The following ELOVL6 variants were observed in gnomAD, a reference collection of about 807,000 sequenced individuals.
ELOVL6 encodes the protein ELOVL fatty acid elongase 6.
In ELOVL6, 8 loss-of-function variants were observed where a neutral mutation model predicts 31.7. That is an observed-to-expected ratio of 0.25 (90% CI 0.15 to 0.45). ELOVL6 has a LOEUF of 0.45. Among genes scored for constraint, ELOVL6 ranks in the 20% least tolerant of loss-of-function variants. The pLI, the probability that ELOVL6 is intolerant of heterozygous loss-of-function variation, is 1.00. For synonymous variants in ELOVL6, 101 were observed against 117.7 expected, an observed-to-expected ratio of 0.86 and a Z score of 0.92; for missense variants, 126 against 326.4, an observed-to-expected ratio of 0.39 and a Z score of 4.73.
chr4:110,132,681 C>CA (rs898400770), intron 1 of ELOVL6, among the ~76,000 whole-genome samples: 30 of 150,808 alleles, frequency 2.0e-4, no homozygotes, highest in Admixed American at 6.6e-4. Context: ...TCAAAAAATA[C>CA]AAAAAAAAAT....
chr4:110,173,579 A>C (rs114883078), intron 1 of ELOVL6, among the ~76,000 whole-genome samples: 2,066 of 149,526 alleles, frequency 0.014, 38 homozygotes, highest in African/African-American at 0.047. Flanking sequence ...CAACTGTAAA[A>C]AATTCCTTGA....
At chr4:110,194,009 A>G (rs1333903190) in intron 1 of ELOVL6, among the ~76,000 whole-genome samples, 3 of 152,216 alleles carry the variant, frequency 2.0e-5, no homozygotes, top group African/African-American at 7.2e-5. Flanking sequence ...CATTGGCTAG[A>G]CAATTACAAC....
At chr4:110,060,203 T>C (rs1218518035) in intron 2 of ELOVL6, among the ~76,000 whole-genome samples, 4 of 152,230 alleles carry the variant, frequency 2.6e-5, no homozygotes, top group Non-Finnish European at 5.9e-5. Flanking sequence ...GGCAAACTTT[T>C]CCTCTACCTC....
chr4:110,161,864 C>T (rs542905233), intron 1 of ELOVL6, among the ~76,000 whole-genome samples: 115 of 152,172 alleles, frequency 7.6e-4, no homozygotes, highest in Non-Finnish European at 1.5e-3. Flanking sequence ...GAAACTAACG[C>T]TGTATTTCCC....
intron 2 of ELOVL6, among the ~76,000 whole-genome samples, chr4:110,097,273 T>A (rs1842775): frequency 0.15 from 20,839 of 138,922 alleles, 1,603 homozygotes; most frequent in African/African-American, 0.2. Context: ...CCACTGTACT[T>A]CAGCCTGGGT....
chr4:110,050,262 G>A lies in ELOVL6; in HGVS notation c.*1076C>T, dbSNP rs1358569905. On this transcript the variant is annotated 3_prime_UTR_variant, in exon 4 of 4. Transcript: ENST00000302274. ...ATTCACAAAAATATCGAAAATATGC[G>A]CTATACTGTGGGGTTTCATTTGGAA... The A allele has an allele frequency of 2.6e-5, 4 of 152,680 alleles. No individual in the cohort carries two copies. The Middle Eastern group carries it at 0.01, about 389-fold the overall frequency. 9.5% of individuals were successfully genotyped at this position (152,680 alleles called of 1,614,324 possible). A position where few individuals can be genotyped will look rare whatever the true frequency, so the allele number is the denominator to read the frequency against.
At chr4:110,099,879 C>G (rs186420698) in intron 2 of ELOVL6, among the ~76,000 whole-genome samples, 1 of 152,292 alleles carries the variant, frequency 6.6e-6, no homozygotes, top group Admixed American at 6.5e-5. Flanking sequence ...AGGGGATAGG[C>G]ACCTTGAAGT....
chr4:110,119,253 C>T (rs1701675301), intron 1 of ELOVL6, among the ~76,000 whole-genome samples: 1 of 151,832 alleles, frequency 6.6e-6, no homozygotes, highest in Non-Finnish European at 1.5e-5. Flanking sequence ...GCTGAGATTG[C>T]ACCAATGCAC....
intron 1 of ELOVL6, among the ~76,000 whole-genome samples, chr4:110,157,291 T>A (rs1193744751): frequency 6.6e-6 from 1 of 152,208 alleles, no homozygotes; most frequent in Non-Finnish European, 1.5e-5. Flanking sequence ...GCAAAAATAG[T>A]TATTCCACTT....
At chr4:110,168,313 G>A (rs1000815876) in intron 1 of ELOVL6, among the ~76,000 whole-genome samples, 6 of 152,090 alleles carry the variant, frequency 3.9e-5, no homozygotes, top group South Asian at 4.2e-4. Flanking sequence ...CCCAGAGTTC[G>A]AGACCGGCTT....
At chr4:110,182,768 C>T (rs1295718715) in intron 1 of ELOVL6, among the ~76,000 whole-genome samples, 1 of 152,062 alleles carries the variant, frequency 6.6e-6, no homozygotes. Context: ...ATTAGCCAGG[C>T]GTGGTGGCCC....
At chr4:110,184,282 G>T (rs1759378686) in intron 1 of ELOVL6, among the ~76,000 whole-genome samples, 1 of 152,236 alleles carries the variant, frequency 6.6e-6, no homozygotes, top group African/African-American at 2.4e-5. Flanking sequence ...GTCCATGCAT[G>T]CATTCATTCA....
intron 1 of ELOVL6, among the ~76,000 whole-genome samples, chr4:110,121,268 C>T (rs538191464): frequency 6.6e-6 from 1 of 152,304 alleles, no homozygotes; most frequent in African/African-American, 2.4e-5. Context: ...GAGCATGTAT[C>T]TATAAATGTG....
chr4:110,159,478 T>TA lies in ELOVL6; in HGVS notation c.89+38768dup, dbSNP rs567078319. Among the ~76,000 whole-genome samples, 99 of 152,064 alleles carry TA rather than the reference T, an allele frequency of 6.5e-4. 1 individual carries two copies. In the East Asian group the frequency reaches 0.012, roughly 18 times the overall value. On this transcript the variant is annotated intron_variant, in intron 1 of 3. Coordinates refer to ENST00000302274, the MANE Select transcript of ELOVL6 (RefSeq NM_024090.3). ...AAGTACACAGTTTTTCTTTTTTTTT[T>TA]AAAAGTCAAGTAACACAGGGAGTTG... is the stretch of plus-strand genomic sequence containing the variant.
intron 1 of ELOVL6, among the ~76,000 whole-genome samples, chr4:110,114,991 G>A (rs1757134671): frequency 6.6e-6 from 1 of 152,014 alleles, no homozygotes; most frequent in Admixed American, 6.6e-5. Context: ...TTCTGTTGTA[G>A]GTTACCACTA....
chr4:110,128,396 T>TA (rs1396170315), intron 1 of ELOVL6, among the ~76,000 whole-genome samples: 1 of 152,188 alleles, frequency 6.6e-6, no homozygotes, highest in Non-Finnish European at 1.5e-5. Flanking sequence ...AATGAAGGTT[T>TA]TAAATGAATG....
chr4:110,116,496 G>A (rs148156545), intron 1 of ELOVL6, among the ~76,000 whole-genome samples: 1 of 152,270 alleles, frequency 6.6e-6, no homozygotes, highest in African/African-American at 2.4e-5. Context: ...TGAACTCTTA[G>A]TAGCACATGA....
At chr4:110,171,679 CTTTTTTTTTT>C (rs70956406) in intron 1 of ELOVL6, among the ~76,000 whole-genome samples, 71 of 66,194 alleles carry the variant, frequency 1.1e-3, no homozygotes, top group African/African-American at 2.4e-3. Context: ...ATAATATCCT[CTTTTTTTTTT>C]TTTTTTTTTT....
chr4:110,196,909 G>T (rs1039132647), intron 1 of ELOVL6, among the ~76,000 whole-genome samples: 8 of 152,174 alleles, frequency 5.3e-5, no homozygotes, highest in South Asian at 2.1e-4. Context: ...AGCGGCGGCC[G>T]GGCCTCCCGA....
Sources: gnomAD v4.1 joint callset for allele counts (sites outside exome capture counted in the v4.1 genomes callset) on GRCh38, gnomAD v4.1.1 for gene constraint, MANE v1.5 for transcripts, NCBI Gene and HGNC (gene_info 2026-07-23, HGNC 2026-07-21) for gene names.